FASN: variants seen among roughly 807,000 people sequenced by gnomAD.
FASN encodes 3-hydroxyacyl-[acyl-carrier-protein] dehydratase.
FASN carries 50 observed loss-of-function variants against 250.0 expected under a neutral mutation model. That is an observed-to-expected ratio of 0.20 (90% CI 0.16 to 0.25). The LOEUF is 0.25. Ranked by LOEUF, FASN falls within the 10% of genes least tolerant of loss-of-function variation. The pLI, the probability that FASN is intolerant of heterozygous loss-of-function variation, is 1.00. For synonymous variants in FASN, 1,909 were observed against 1,584.0 expected (o/e 1.21, Z -4.87); for missense variants, 3,031 against 3,498.5 (o/e 0.87, Z 3.37).
rs936287527 is a variant in FASN at position 82,087,616 on chromosome 17, C to A, written c.3043+69G>T. On this transcript the variant is annotated intron_variant, in intron 19 of 42. Coordinates refer to ENST00000306749, the MANE Select transcript of FASN (RefSeq NM_004104.5). ...CAAGCTGCATGCCTAGCTGTGGGTG[C>A]CCTCTGTGGTCCCCACAATGACGAC... 4.4e-6 allele frequency: 7 copies of A among 1,601,728 alleles called. No individual in the cohort carries two copies. In the East Asian group the frequency reaches 6.7e-5, roughly 15 times the overall value.
Position 82,083,209 on chromosome 17 carries a change from A to G in FASN, c.5558T>C (p.Val1853Ala). ...CGGGACTCCTCCCCTCACCTGCACG[A>G]CGACTTTGCCAATGTGCTTCCCTTG... is the stretch of plus-strand genomic sequence containing the variant. The part of the protein sequence containing the change: ...MAQGKHIGKV[V>A]VQVLAEEPEA... The change falls in exon 32 of 43, where the codon GTC (valine) becomes GCC (alanine). Residue 1853 changes from valine to alanine, a missense_variant. Transcript: ENST00000306749. 6.2e-7 allele frequency: 1 copy of G among 1,612,538 alleles called. No individual in the cohort carries two copies. The highest frequency in any genetic ancestry group is 8.5e-7 in the Non-Finnish European group (1 of 1,179,964).
intron 21 of FASN, among the ~76,000 whole-genome samples, chr17:82,086,834 C>T (rs925176273): frequency 1.3e-5 from 2 of 151,786 alleles, no homozygotes; most frequent in African/African-American, 4.8e-5. Context: ...CCCCCAAGTA[C>T]CCTTTCAAGA....
At chr17:82,096,269 T>A (rs1598585871) in intron 2 of FASN, 50 bp downstream of exon 2, 1 of 1,606,434 alleles carries the variant, frequency 6.2e-7, no homozygotes, top group African/African-American at 1.3e-5. Context: ...AGGACAAAGG[T>A]GGAGATGGAG....
chr17:82,095,963 G>C (rs1207665169), intron 2 of FASN, among the ~76,000 whole-genome samples: 1 of 152,240 alleles, frequency 6.6e-6, no homozygotes, highest in Non-Finnish European at 1.5e-5. Flanking sequence ...GCATGGGTGA[G>C]AGACCCCAGC....
At position 82,084,893 on chromosome 17, in the gene FASN, G is replaced by A. The variant is rs78069072; in HGVS notation, c.4470C>T (p.Ser1490=). ...CCTGCAACACCTTCTGCAGTTCTGC[G>A]GAGCCCGGGTCCACCTCCGGGACGT... ...TSHVPEVDPG[S]AELQKVLQGD... Residue 1490 remains serine, a synonymous_variant, in exon 26 of 43, where the codon TCC becomes TCT. Coordinates refer to ENST00000306749, the MANE Select transcript of FASN (RefSeq NM_004104.5). The A allele has an allele frequency of 2.8e-4, 437 of 1,551,288 alleles. 1 individual carries two copies. In the African/African-American group the frequency reaches 4.2e-3, roughly 15 times the overall value.
chr17:82,080,966 C>T lies in FASN; in HGVS notation c.6596-44G>A, dbSNP rs760786170. On this transcript the variant is annotated intron_variant, in intron 38 of 42. Coordinates refer to ENST00000306749, the MANE Select transcript of FASN (RefSeq NM_004104.5). ...ATGCCAGGCTGGTCTGGGTGCAGAG[C>T]CCTGGCACCCACGCAAGGACACACA... 8.5e-6 allele frequency: 13 copies of T among 1,524,782 alleles called. No individual in the cohort carries two copies. The South Asian group carries it at 1.2e-4, about 14-fold the overall frequency. 94.5% of individuals were successfully genotyped at this position (1,524,782 alleles called of 1,614,324 possible).
chr17:82,093,076 C>G (rs2144807284), intron 5 of FASN, 57 bp from the exon 6 acceptor site: 1 of 1,604,470 alleles, frequency 6.2e-7, no homozygotes, highest in Non-Finnish European at 8.5e-7. Flanking sequence ...CCCCACCCCA[C>G]CAGGAGGAGC....
chr17:82,090,777 A>T, intron 10 of FASN, 105 bp downstream of exon 10: 4 of 1,302,554 alleles, frequency 3.1e-6, no homozygotes, highest in Non-Finnish European at 4.3e-6. Context: ...TGCCTAGCAA[A>T]GGGGCTGTCA....
rs2034116880 is a variant in FASN, at chr17:82,087,040, G to A, written c.3427+10C>T. On this transcript the variant is annotated intron_variant, in intron 21 of 42. Coordinates refer to ENST00000306749, the MANE Select transcript of FASN (RefSeq NM_004104.5). ...AGAGGTGTCCGAAGCCAGCAGGGCTGGGACCTCACCCTTGCACAGTTGCAG... is the reference window on the plus strand; with the variant it reads ...AGAGGTGTCCGAAGCCAGCAGGGCTAGGACCTCACCCTTGCACAGTTGCAG... 2 of 1,610,508 alleles carry A rather than the reference G, an allele frequency of 1.2e-6. No homozygotes were observed. The highest frequency in any genetic ancestry group is 1.7e-5 in the Admixed American group (1 of 59,962).
chr17:82,081,576 C>A lies in FASN; in HGVS notation c.6406+25G>T, dbSNP rs370353253. ...TGATGCCAGCAGGGGAAACACCTGGCGCGGCTCCTACTGGGAGTGCTCACC... is the reference window on the plus strand; with the variant it reads ...TGATGCCAGCAGGGGAAACACCTGGAGCGGCTCCTACTGGGAGTGCTCACC... On this transcript the variant is annotated intron_variant, in intron 37 of 42. Transcript: ENST00000306749. 88 of 1,610,646 alleles carry A rather than the reference C, an allele frequency of 5.5e-5. 2 individuals carry two copies. The South Asian group carries it at 9.2e-4, about 17-fold the overall frequency.
rs965657043 is a variant in FASN at position 82,082,971 on chromosome 17, G to A, written c.5710C>T (p.Leu1904=). The part of the protein sequence containing the change: ...GGFGLELAQW[L]IQRGVQKLVL... ...AGCTTCTGCACCCCACGCTGTATCAGCCACTGCGCCAACTCCAGGCCGAAG... is the reference window on the plus strand; with the variant it reads ...AGCTTCTGCACCCCACGCTGTATCAACCACTGCGCCAACTCCAGGCCGAAG... The change falls in exon 33 of 43, where the codon CTG becomes TTG. Residue 1904 remains leucine, a synonymous_variant. Transcript: ENST00000306749. The A allele has an allele frequency of 1.2e-6, 2 of 1,612,894 alleles. No individual in the cohort carries two copies. Among genetic ancestry groups the A allele is most frequent in the African/African-American group, 1.3e-5 (1 of 75,040 alleles).
rs1007673690 is a variant in FASN at position 82,080,507 on chromosome 17, C to T, written c.6910G>A (p.Val2304Met). ...CAGGCCCCGTAGGAGTAGCCGGCCA[C>T]GCGGTAGGGGCCCTCGGGCTGCACC... The part of the protein sequence containing the change: ...RQVQPEGPYR[V>M]AGYSYGACVA... The change falls in exon 40 of 43, where the codon GTG becomes ATG. Residue 2304 changes from valine to methionine, a missense_variant. Coordinates refer to ENST00000306749, the MANE Select transcript of FASN (RefSeq NM_004104.5). 37 of 1,564,260 alleles carry T rather than the reference C, an allele frequency of 2.4e-5. No homozygotes were observed. Among genetic ancestry groups the T allele is most frequent in the Admixed American group, 1.3e-4 (7 of 52,656 alleles).
intron 24 of FASN, 33 bp downstream of exon 24, chr17:82,085,205 G>A (rs2034070382): frequency 6.2e-7 from 1 of 1,612,160 alleles, no homozygotes; most frequent in African/African-American, 1.3e-5. Flanking sequence ...GTTGGGAGGT[G>A]GGGTGGGGCC....
Position 82,092,930 on chromosome 17 carries a change from C to T in FASN, c.745G>A (p.Ala249Thr), listed in dbSNP as rs759567154. 3.1e-6 allele frequency: 5 copies of T among 1,607,398 alleles called. No homozygotes were observed. The highest frequency in any genetic ancestry group is 2.2e-5 in the South Asian group (2 of 90,080). ...TTGAAGCCATCTGTATTGGTGCCGGCGTTCAGGATGGTGGCGTACACCCGC... is the reference window on the plus strand; with the variant it reads ...TTGAAGCCATCTGTATTGGTGCCGGTGTTCAGGATGGTGGCGTACACCCGC... ...ARRVYATILN[A>T]GTNTDGFKEQ... The change falls in exon 6 of 43, where the codon GCC becomes ACC. Residue 249 changes from alanine (A) to threonine (T), a missense_variant. Ala to Thr is a moderately conservative substitution (Grantham distance 58). Coordinates refer to ENST00000306749, the MANE Select transcript of FASN (RefSeq NM_004104.5).
chr17:82,096,202 C>T (rs1025278346), intron 2 of FASN, 117 bp downstream of exon 2: 29 of 1,515,170 alleles, frequency 1.9e-5, no homozygotes, highest in South Asian at 4.5e-5. Flanking sequence ...CAGCTGGGAC[C>T]GGCCTCAGGC....
At position 82,089,730 on chromosome 17, in the gene FASN, T is replaced by G. The variant is rs371846334; in HGVS notation, c.1871-4A>C. 1.3e-6 allele frequency: 2 copies of G among 1,583,890 alleles called. No homozygotes were observed. The highest frequency in any genetic ancestry group is 3.6e-5 in the Admixed American group (2 of 55,000). Reference sequence around the variant, plus strand: ...TTACACTCCTCCCAGGACAAGCCTATGGCAGAGCCAGCCTCAGAGGCTTAG... The same window carrying G: ...TTACACTCCTCCCAGGACAAGCCTAGGGCAGAGCCAGCCTCAGAGGCTTAG... On this transcript the variant is annotated splice_polypyrimidine_tract_variant and splice_region_variant and intron_variant, in intron 11 of 42. Transcript: ENST00000306749.
intron 2 of FASN, among the ~76,000 whole-genome samples, chr17:82,096,092 A>T (rs549619316): frequency 6.6e-6 from 1 of 152,332 alleles, no homozygotes; most frequent in African/African-American, 2.4e-5. Context: ...CCGTTGAGGG[A>T]ACCTCCTGGC....
rs762868624 is a variant in FASN at position 82,080,774 on chromosome 17, G to A, written c.6744C>T (p.His2248=). 1.5e-5 allele frequency: 24 copies of A among 1,604,632 alleles called. No homozygotes were observed. The highest frequency in any genetic ancestry group is 1.7e-4 in the Middle Eastern group (1 of 5,910). Reference sequence around the variant, plus strand: ...ACACGGTGGTGGAGCCCTCGATTGGGTGCACCAGGAACAGGGGCCGCTCCG... The same window carrying A: ...ACACGGTGGTGGAGCCCTCGATTGGATGCACCAGGAACAGGGGCCGCTCCG... ...QSSERPLFLV[H]PIEGSTTVFH... Residue 2248 remains histidine (H), a synonymous_variant, in exon 39 of 43, where the codon CAC becomes CAT. Coordinates refer to ENST00000306749, the MANE Select transcript of FASN (RefSeq NM_004104.5).
At position 82,091,482 on chromosome 17, in the gene FASN, G is replaced by A; in HGVS notation, c.1232C>T (p.Pro411Leu). Reference sequence around the variant, plus strand: ...GGTGGCATGTGGGGCGGGTGCGGGGGGCGGCTGCGTGTTGGGCCTCAGGAT... The same window carrying A: ...GGTGGCATGTGGGGCGGGTGCGGGGAGCGGCTGCGTGTTGGGCCTCAGGAT... Reference protein sequence around the residue: ...HIILRPNTQPPPAPAPHATLP... With the variant: ...HIILRPNTQPLPAPAPHATLP... The change falls in exon 9 of 43, where the codon CCC becomes CTC. Residue 411 changes from proline (P) to leucine (L), a missense_variant. Coordinates refer to ENST00000306749, the MANE Select transcript of FASN (RefSeq NM_004104.5). The A allele has an allele frequency of 1.2e-6, 2 of 1,604,978 alleles. No individual in the cohort carries two copies. The highest frequency in any genetic ancestry group is 1.1e-5 in the South Asian group (1 of 90,190).
Sources: gnomAD v4.1 joint callset for allele counts (sites outside exome capture counted in the v4.1 genomes callset) on GRCh38, gnomAD v4.1.1 for gene constraint, MANE v1.5 for transcripts, NCBI Gene and HGNC (gene_info 2026-07-23, HGNC 2026-07-21) for gene names.